The following PPP6R3 variants were observed in gnomAD, a reference collection of about 807,000 sequenced individuals.
PPP6R3 encodes protein phosphatase 6 regulatory subunit 3.
Under a neutral mutation model 110.7 loss-of-function variants are expected in PPP6R3, and 38 were observed. The observed-to-expected ratio is 0.34, with a 90% CI of 0.26 to 0.45. PPP6R3 has a LOEUF of 0.45. PPP6R3 is among the 20% of genes least tolerant of loss of function. The pLI, the probability that PPP6R3 is intolerant of heterozygous loss-of-function variation, is 1.00. For missense variants in PPP6R3, 870 were observed against 1,062.4 expected (o/e 0.82, Z 2.52); for synonymous variants, 369 against 373.5 (o/e 0.99, Z 0.14).
rs1371773748 is a variant in PPP6R3 at position 68,613,098 on chromosome 11, C to G, written c.2603C>G (p.Ser868Ter). The G allele has an allele frequency of 1.9e-6, 3 of 1,614,154 alleles. No individual in the cohort carries two copies. The highest frequency in any genetic ancestry group is 1.7e-6 in the Non-Finnish European group (2 of 1,180,016). Reference sequence around the variant, plus strand: ...CAACCAAGCGCACCAGGTGACACTTCAGTGAATGGCCCTGTATGACGGGTG... The same window carrying G: ...CAACCAAGCGCACCAGGTGACACTTGAGTGAATGGCCCTGTATGACGGGTG... ...TGQPSAPGDT[S>*]VNGPV The change falls in exon 24 of 24, where the codon TCA becomes TGA. Residue 868 changes from serine (S) to a stop codon, truncating the protein, a stop_gained. Coordinates refer to ENST00000393800, the MANE Select transcript of PPP6R3 (RefSeq NM_001164161.2). LOFTEE classifies it high-confidence loss of function.
intron 2 of PPP6R3, among the ~76,000 whole-genome samples, chr11:68,530,547 G>C (rs1297496250): frequency 6.6e-6 from 1 of 152,222 alleles, no homozygotes; most frequent in Non-Finnish European, 1.5e-5. Flanking sequence ...TTTATTGCCA[G>C]TCTGGCATAT....
At chr11:68,476,459 G>C (rs2098833232) in intron 1 of PPP6R3, among the ~76,000 whole-genome samples, 1 of 142,548 alleles carries the variant, frequency 7.0e-6, no homozygotes, top group South Asian at 2.2e-4. Flanking sequence ...CGTGGGGAGA[G>C]GGGGGAGGGG....
intron 16 of PPP6R3, among the ~76,000 whole-genome samples, chr11:68,589,632 A>G (rs2099589306): frequency 6.6e-6 from 1 of 152,254 alleles, no homozygotes; most frequent in Admixed American, 6.5e-5. Context: ...GATGATTCTC[A>G]CAGGAGACAC....
intron 4 of PPP6R3, among the ~76,000 whole-genome samples, chr11:68,546,546 T>C (rs1239805621): frequency 2.6e-5 from 4 of 152,216 alleles, no homozygotes; most frequent in African/African-American, 9.7e-5. Context: ...TCAGTGGCTG[T>C]GAGTTAAGAT....
chr11:68,466,967 C>T (rs1266111757), intron 1 of PPP6R3, among the ~76,000 whole-genome samples: 3 of 137,976 alleles, frequency 2.2e-5, no homozygotes, highest in Non-Finnish European at 4.8e-5. Context: ...AGGATGGTCT[C>T]GATCTCTTAG....
chr11:68,519,437 T>C (rs1237795905), intron 1 of PPP6R3, 64 bp from the exon 2 acceptor site: 4 of 392,812 alleles, frequency 1.0e-5, no homozygotes, highest in Non-Finnish European at 1.8e-5. Flanking sequence ...TATGCTTTAA[T>C]GGCAGCTATC....
At chr11:68,540,144 G>A (rs1160932971) in intron 3 of PPP6R3, among the ~76,000 whole-genome samples, 1 of 152,234 alleles carries the variant, frequency 6.6e-6, no homozygotes, top group East Asian at 1.9e-4. Flanking sequence ...CTATACTTGG[G>A]ATGAGATGGG....
At chr11:68,500,224 T>G (rs1366841967) in intron 1 of PPP6R3, among the ~76,000 whole-genome samples, 1 of 152,148 alleles carries the variant, frequency 6.6e-6, no homozygotes, top group Non-Finnish European at 1.5e-5. Flanking sequence ...TTTCATGTGA[T>G]AACTTTTTTG....
intron 3 of PPP6R3, among the ~76,000 whole-genome samples, chr11:68,538,763 A>G (rs1486971064): frequency 1.3e-5 from 2 of 152,330 alleles, no homozygotes; most frequent in African/African-American, 4.8e-5. Context: ...TTCTCTGCCA[A>G]CCATTAACAT....
At chr11:68,500,634 C>T (rs1041735222) in intron 1 of PPP6R3, among the ~76,000 whole-genome samples, 4 of 152,254 alleles carry the variant, frequency 2.6e-5, no homozygotes, top group East Asian at 3.9e-4. Context: ...CGTGCCACCA[C>T]GCCCGGCTAA....
chr11:68,540,836 G>A (rs1189674235), intron 3 of PPP6R3, among the ~76,000 whole-genome samples: 1 of 152,212 alleles, frequency 6.6e-6, no homozygotes, highest in Non-Finnish European at 1.5e-5. Context: ...CTCACCTGCG[G>A]TCAGAGTTTA....
At chr11:68,473,236 TG>T (rs2098805103) in intron 1 of PPP6R3, among the ~76,000 whole-genome samples, 1 of 152,190 alleles carries the variant, frequency 6.6e-6, no homozygotes, top group Admixed American at 6.5e-5. Flanking sequence ...AGAGGAGATT[TG>T]CTGAACATTG....
intron 1 of PPP6R3, among the ~76,000 whole-genome samples, chr11:68,463,453 C>A (rs1247168835): frequency 1.3e-5 from 2 of 150,968 alleles, no homozygotes; most frequent in Admixed American, 1.3e-4. Flanking sequence ...GTGTCACGAT[C>A]GGTATTTTAT....
Position 68,600,382 on chromosome 11 carries a change from A to C in PPP6R3, c.2080A>C (p.Thr694Pro). Residue 694 changes from threonine to proline, a missense_variant, in exon 20 of 24, where the codon ACC becomes CCC. By Grantham distance (38) the Thr-to-Pro change is conservative. Transcript: ENST00000393800. The part of the protein sequence containing the change: ...SANFDVPMET[T>P]HGAPLDSVGS... ...TAACTTTGATGTCCCAATGGAAACA[A>C]CCCACGGTGCTCCATTGGATTCTGT... The C allele has an allele frequency of 1.2e-6, 2 of 1,614,056 alleles. No individual in the cohort carries two copies. The highest frequency in any genetic ancestry group is 1.7e-6 in the Non-Finnish European group (2 of 1,179,930).
At chr11:68,515,843 C>T (rs1377327721) in intron 1 of PPP6R3, among the ~76,000 whole-genome samples, 2 of 152,186 alleles carry the variant, frequency 1.3e-5, no homozygotes, top group South Asian at 2.1e-4. Flanking sequence ...TCAGCCAGAA[C>T]GGATCTCTTC....
intron 1 of PPP6R3, among the ~76,000 whole-genome samples, chr11:68,509,780 G>A (rs1252525063): frequency 7.6e-5 from 9 of 119,094 alleles, no homozygotes; most frequent in Non-Finnish European, 1.1e-4. Context: ...ACGGAGCTTC[G>A]CTCTCGTTGC....
intron 19 of PPP6R3, among the ~76,000 whole-genome samples, chr11:68,600,009 C>A (rs754931706): frequency 2.0e-5 from 3 of 152,194 alleles, no homozygotes; most frequent in African/African-American, 4.8e-5. Context: ...GTAATCCCAG[C>A]TACTCAGGAG....
intron 3 of PPP6R3, among the ~76,000 whole-genome samples, chr11:68,544,129 A>C (rs2099335023): frequency 6.6e-6 from 1 of 152,122 alleles, no homozygotes; most frequent in African/African-American, 2.4e-5. Flanking sequence ...ACAAGGTCTC[A>C]CTCTTGCCCA....
intron 3 of PPP6R3, among the ~76,000 whole-genome samples, chr11:68,542,197 C>A (rs2099319879): frequency 6.6e-6 from 1 of 151,578 alleles, no homozygotes; most frequent in East Asian, 1.9e-4. Flanking sequence ...GAGATGACCT[C>A]AGGAGCAAGG....
Sources: gnomAD v4.1 joint callset for allele counts (sites outside exome capture counted in the v4.1 genomes callset) on GRCh38, gnomAD v4.1.1 for gene constraint, MANE v1.5 for transcripts, NCBI Gene and HGNC (gene_info 2026-07-23, HGNC 2026-07-21) for gene names.